The following SVIL variants were observed in gnomAD, a reference collection of about 807,000 sequenced individuals.
SVIL encodes archvillin.
SVIL carries 101 observed loss-of-function variants against 240.4 expected under a neutral mutation model. The ratio of observed to expected loss-of-function variants is 0.42; its 90% CI spans 0.36 to 0.50. The LOEUF is 0.50. Among genes scored for constraint, SVIL ranks in the 20% least tolerant of loss-of-function variants. The probability of loss-of-function intolerance (pLI) is 0.01; values close to 1 mark genes in which losing one functional copy is unlikely to be tolerated. For missense variants in SVIL, 2,512 were observed against 2,818.7 expected (o/e 0.89, Z 2.46); for synonymous variants, 999 against 1,100.0 (o/e 0.91, Z 1.82).
chr10:29,563,844 C>T (rs1488333354), intron 2 of SVIL, among the ~76,000 whole-genome samples: 1 of 152,000 alleles, frequency 6.6e-6, no homozygotes, highest in African/African-American at 2.4e-5. Context: ...AGGAAGTGAG[C>T]CCTTACTGTG....
rs201833090 is a variant in SVIL at position 29,484,712 on chromosome 10, A to G, written c.4899T>C (p.Tyr1633=). ...CCAGGGGATTGATGTCACAGTTCTCATAGTCAAAGGTTCCATTCCATAAGT... is the reference window on the plus strand; with the variant it reads ...CCAGGGGATTGATGTCACAGTTCTCGTAGTCAAAGGTTCCATTCCATAAGT... ...AKHLWNGTFD[Y]ENCDINPLDP... The change falls in exon 27 of 38, where the codon TAT becomes TAC. Residue 1633 remains tyrosine (Y), a synonymous_variant. Transcript: ENST00000355867. The surrounding 1 kb of genome is among the most constrained non-coding windows in gnomAD (Gnocchi z 4.7). The G allele has an allele frequency of 3.2e-5, 51 of 1,613,894 alleles. No homozygotes were observed. The highest frequency in any genetic ancestry group is 4.3e-5 in the Non-Finnish European group (51 of 1,179,884).
intron 2 of SVIL, among the ~76,000 whole-genome samples, chr10:29,684,057 C>T (rs1380015977): frequency 2.0e-5 from 3 of 151,998 alleles, no homozygotes; most frequent in Non-Finnish European, 4.4e-5. Flanking sequence ...ACCACCCCCA[C>T]CGAAAAAAAC....
intron 2 of SVIL, among the ~76,000 whole-genome samples, chr10:29,671,813 G>A (rs1329794378): frequency 2.6e-5 from 4 of 152,164 alleles, no homozygotes; most frequent in African/African-American, 4.8e-5. Flanking sequence ...CTGAACTAGT[G>A]TGGTTTTCTC....
intron 36 of SVIL, 51 bp from the exon 37 acceptor site, chr10:29,458,640 T>G (rs1588744810): frequency 2.5e-6 from 4 of 1,584,850 alleles, no homozygotes; most frequent in Middle Eastern, 1.7e-4. Flanking sequence ...ACATTTGAAC[T>G]TGTTTTATTA....
Position 29,529,745 on chromosome 10 carries a change from T to G in SVIL, c.2206A>C (p.Thr736Pro), listed in dbSNP as rs1589130808. 6.2e-7 allele frequency: 1 copy of G among 1,613,386 alleles called. No homozygotes were observed. Among genetic ancestry groups the G allele is most frequent in the Non-Finnish European group, 8.5e-7 (1 of 1,179,706 alleles). Reference protein sequence around the residue: ...RLRRLQDRSLTQPITTEEVVI... With the variant: ...RLRRLQDRSLPQPITTEEVVI... ...ACCTCTTCAGTGGTGATGGGCTGGG[T>G]GAGGGACCTGTCCTGCAGACGGCGT... is the stretch of plus-strand genomic sequence containing the variant. Residue 736 changes from threonine to proline, a missense_variant, in exon 12 of 38, where the codon ACC becomes CCC. By Grantham distance (38) the Thr-to-Pro change is conservative. Coordinates refer to ENST00000355867, the MANE Select transcript of SVIL (RefSeq NM_021738.3).
chr10:29,563,291 A>C lies in SVIL; in HGVS notation c.-141T>G. ...TCTTCGAGTGAGAACTCCTTCTGAA[A>C]GCTAAAAATTACTCCATTAATAAAG... On this transcript the variant is annotated splice_region_variant and 5_prime_UTR_variant, in exon 3 of 38. Transcript: ENST00000355867. 1.0e-6 allele frequency: 1 copy of C among 985,762 alleles called. No individual in the cohort carries two copies. Among genetic ancestry groups the C allele is most frequent in the Non-Finnish European group, 1.2e-6 (1 of 829,828 alleles). 61.1% of individuals were successfully genotyped at this position (985,762 alleles called of 1,614,324 possible).
At chr10:29,474,764 C>T (rs1437356031) in intron 29 of SVIL, among the ~76,000 whole-genome samples, 1 of 152,140 alleles carries the variant, frequency 6.6e-6, no homozygotes, top group African/African-American at 2.4e-5. Context: ...AAAACAATAG[C>T]AGGGCCAGCT....
intron 29 of SVIL, among the ~76,000 whole-genome samples, chr10:29,477,087 A>G (rs931449361): frequency 7.9e-5 from 12 of 151,818 alleles, no homozygotes; most frequent in African/African-American, 2.9e-4. Context: ...ATAGTCTCGA[A>G]CTCCTGACCT....
rs563508529 is a variant in SVIL at position 29,484,506 on chromosome 10, C to T, written c.4955+150G>A. The T allele has an allele frequency of 1.9e-4, 102 of 545,990 alleles. 1 individual carries two copies. The highest frequency in any genetic ancestry group is 1.9e-3 in the African/African-American group (95 of 51,288). The allele number at this position is 545,990 out of a possible 1,614,324, so 33.8% of individuals were successfully genotyped here. ...GTTAGATAAAAGTTAAAGAACTGTT[C>T]CTTTTGTGAATATTCACAGTCCACT... On this transcript the variant is annotated intron_variant, in intron 27 of 37. Transcript: ENST00000355867. This position sits in a 1 kb window ranked among gnomAD's most constrained non-coding sequence, Gnocchi z 4.7.
intron 1 of SVIL, among the ~76,000 whole-genome samples, chr10:29,604,745 T>A (rs952678504): frequency 1.3e-4 from 19 of 151,948 alleles, no homozygotes; most frequent in East Asian, 1.9e-4. Context: ...TTTAAAAAAA[T>A]TTTTGTAAAG....
intron 17 of SVIL, among the ~76,000 whole-genome samples, chr10:29,500,781 C>T (rs1016956186): frequency 1.3e-5 from 2 of 152,140 alleles, no homozygotes; most frequent in Non-Finnish European, 2.9e-5. Flanking sequence ...AGCCCCGAGT[C>T]AAGACCATCC....
chr10:29,716,958 C>T (rs1021571959), intron 1 of SVIL, among the ~76,000 whole-genome samples: 2 of 152,174 alleles, frequency 1.3e-5, no homozygotes, highest in African/African-American at 2.4e-5. Context: ...GGGCTGGGAG[C>T]CGTGGCTCAC....
chr10:29,705,718 A>G (rs1048868462), intron 1 of SVIL, among the ~76,000 whole-genome samples: 6 of 151,926 alleles, frequency 3.9e-5, no homozygotes, highest in African/African-American at 1.5e-4. Context: ...ACTCCTACTT[A>G]TGAGTGAGAA....
intron 2 of SVIL, among the ~76,000 whole-genome samples, chr10:29,673,579 G>GGC (rs1460968052): frequency 1.5e-5 from 2 of 131,134 alleles, no homozygotes; most frequent in African/African-American, 6.0e-5. Context: ...GGCATTAGGG[G>GGC]GGAGAGAGAG....
Position 29,663,186 on chromosome 10 carries a change from A to G in SVIL, c.-300-5118T>C, listed in dbSNP as rs189418753. On this transcript the variant is annotated intron_variant, in intron 2 of 35. Coordinates refer to the SVIL transcript ENST00000375400. ...CAATGGCCCATTTTATTTGTCAAGA[A>G]AACTATAGAAGACTTTGTGATCCTA... Among the ~76,000 whole-genome samples, 365 of 152,318 alleles carry G rather than the reference A, an allele frequency of 2.4e-3. 2 individuals carry two copies. Among genetic ancestry groups the G allele is most frequent in the African/African-American group, 8.5e-3 (353 of 41,558 alleles).
At chr10:29,556,852 T>C (rs1953979236) in intron 3 of SVIL, among the ~76,000 whole-genome samples, 2 of 152,160 alleles carry the variant, frequency 1.3e-5, no homozygotes, top group African/African-American at 4.8e-5. Flanking sequence ...GAAAATATTT[T>C]CAAGGATGAC....
chr10:29,665,315 A>G (rs568282723), intron 2 of SVIL, among the ~76,000 whole-genome samples: 21 of 151,780 alleles, frequency 1.4e-4, no homozygotes, highest in African/African-American at 5.1e-4. Context: ...GTGTCTCAAG[A>G]TATGTTGATC....
chr10:29,606,336 C>T (rs1484350722), intron 1 of SVIL, among the ~76,000 whole-genome samples: 2 of 152,178 alleles, frequency 1.3e-5, no homozygotes, highest in Non-Finnish European at 2.9e-5. Context: ...CTGGCCACTG[C>T]AACCAGCCAA....
At chr10:29,637,282 C>T (rs563862018), upstream of SVIL, among the ~76,000 whole-genome samples, 20 of 152,088 alleles carry the variant, frequency 1.3e-4, no homozygotes, top group African/African-American at 4.6e-4. Flanking sequence ...GTCAGGAGTT[C>T]GAGACCAGCC....
Sources: allele counts gnomAD v4.1 joint callset (sites outside exome capture counted in the v4.1 genomes callset), GRCh38; gene constraint gnomAD v4.1.1; non-coding constraint Gnocchi (gnomAD v3.1); transcripts MANE v1.5; gene names NCBI Gene and HGNC (gene_info 2026-07-23, HGNC 2026-07-21).